The following STMN4 variants were observed in gnomAD, a reference collection of about 807,000 sequenced individuals.
STMN4 encodes stathmin-4.
A neutral mutation model predicts 29.1 loss-of-function variants in STMN4; 12 were observed. The ratio of observed to expected loss-of-function variants is 0.41; its 90% CI spans 0.26 to 0.67. STMN4 has a LOEUF of 0.67. Ranked by LOEUF, STMN4 falls within the 30% of genes least tolerant of loss-of-function variation. The pLI is 0.30. For missense variants in STMN4, 181 were observed against 262.8 expected (o/e 0.69, Z 2.15); for synonymous variants, 114 against 105.3 (o/e 1.08, Z -0.51).
chr8:27,245,870 C>T (rs1009038802), intron 1 of STMN4, among the ~76,000 whole-genome samples: 1 of 152,232 alleles, frequency 6.6e-6, no homozygotes, highest in South Asian at 2.1e-4. Context: ...TCAGGGGGCA[C>T]TCGACACCCA....
At chr8:27,245,013 C>T (rs139555142) in intron 1 of STMN4, among the ~76,000 whole-genome samples, 176 of 152,178 alleles carry the variant, frequency 1.2e-3, no homozygotes, top group Non-Finnish European at 2.2e-3. Context: ...AAACCCCTTG[C>T]CTTTCTGTGC....
At chr8:27,252,248 G>A (rs1344105306) in intron 1 of STMN4, among the ~76,000 whole-genome samples, 1 of 152,042 alleles carries the variant, frequency 6.6e-6, no homozygotes, top group Admixed American at 6.6e-5. Context: ...CTTTGCTATC[G>A]TGAATAATGC....
chr8:27,247,648 C>A (rs57912615), intron 1 of STMN4, among the ~76,000 whole-genome samples: 1 of 152,084 alleles, frequency 6.6e-6, no homozygotes, highest in Admixed American at 6.5e-5. Flanking sequence ...TGCAAGGGAG[C>A]GAGGGCCACC....
Position 27,241,773 on chromosome 8 carries a change from A to C in STMN4, c.110-16T>G, listed in dbSNP as rs747488033. ...CCACACCAGCCTAGACAGAAAAAAC[A>C]ACCTCAGGTCATCCGAGCATGCCTG... On this transcript the variant is annotated splice_polypyrimidine_tract_variant and intron_variant, in intron 3 of 6. Coordinates refer to ENST00000350889, the MANE Select transcript of STMN4 (RefSeq NM_030795.4). 3.5e-5 allele frequency: 57 copies of C among 1,614,034 alleles called. No homozygotes were observed. Among genetic ancestry groups the C allele is most frequent in the Non-Finnish European group, 4.4e-5 (52 of 1,180,004 alleles).
rs777584056 is a variant in STMN4 at position 27,241,283 on chromosome 8, G to A, written c.191-21C>T. On this transcript the variant is annotated intron_variant, in intron 4 of 6. Coordinates refer to ENST00000350889, the MANE Select transcript of STMN4 (RefSeq NM_030795.4). ...GTCTGCTACAGAGGGCAGAGAAGGG[G>A]CTGCTCACGTCCTGAAGAATGCACA... 2.5e-6 allele frequency: 4 copies of A among 1,613,898 alleles called. No individual in the cohort carries two copies. The East Asian group carries it at 6.7e-5, about 27-fold the overall frequency.
At chr8:27,243,578 A>C in intron 2 of STMN4, 133 bp downstream of exon 2, 1 of 932,488 alleles carries the variant, frequency 1.1e-6, no homozygotes, top group Non-Finnish European at 1.7e-6. Context: ...CAAGCCTCCC[A>C]TCACTACCTG....
Position 27,241,683 on chromosome 8 carries a change from C to T in STMN4, c.184G>A (p.Ala62Thr), listed in dbSNP as rs1183971380. 6.2e-7 allele frequency: 1 copy of T among 1,614,162 alleles called. No homozygotes were observed. The highest frequency in any genetic ancestry group is 1.7e-5 in the Admixed American group (1 of 60,018). ...KDSADWRERR[A>T]QADTVDLNWC... ...TCCGCTGCCTCCCTCCTACCCTGAG[C>T]TCTTCTTTCTCTCCAGTCAGCACTG... The change falls in exon 4 of 7, where the codon GCT becomes ACT. Residue 62 changes from alanine (A) to threonine (T), a missense_variant. Physicochemically the swap from Ala to Thr is moderately conservative, Grantham distance 58. Transcript: ENST00000350889.
intron 6 of STMN4, 108 bp downstream of exon 6, chr8:27,239,863 T>C (rs1366930961): frequency 5.7e-6 from 9 of 1,579,298 alleles, no homozygotes; most frequent in African/African-American, 2.7e-5. Context: ...TCCTGATTTT[T>C]GCCTGAGGCT....
chr8:27,243,928 C>G lies in STMN4; in HGVS notation c.-78-127G>C, dbSNP rs566932203. ...CATTTGCTCTTCCTCCAGGCCCTCTCCCCACCAACTCTCCCTGGGGGTCCC... is the reference window on the plus strand; with the variant it reads ...CATTTGCTCTTCCTCCAGGCCCTCTGCCCACCAACTCTCCCTGGGGGTCCC... On this transcript the variant is annotated intron_variant, in intron 1 of 6. Coordinates refer to ENST00000350889, the MANE Select transcript of STMN4 (RefSeq NM_030795.4). 865 of 796,936 alleles carry G rather than the reference C, an allele frequency of 1.1e-3. 2 individuals are homozygous for G. Among genetic ancestry groups the G allele is most frequent in the Non-Finnish European group, 1.0e-3 (510 of 495,944 alleles). 49.4% of individuals were successfully genotyped at this position (796,936 alleles called of 1,614,324 possible).
At chr8:27,241,576 TCC>T in intron 4 of STMN4, 99 bp downstream of exon 4, 1 of 1,398,636 alleles carries the variant, frequency 7.1e-7, no homozygotes, top group Non-Finnish European at 1.0e-6. Context: ...CAATTTGTCG[TCC>T]GTGGTGACAG....
chr8:27,251,960 C>G (rs1370350331), intron 1 of STMN4, among the ~76,000 whole-genome samples: 1 of 151,728 alleles, frequency 6.6e-6, no homozygotes, highest in Admixed American at 6.5e-5. Context: ...TCCCTCCCCC[C>G]TTCCCCCATT....
Position 27,241,073 on chromosome 8 carries a change from G to A in STMN4, c.380C>T (p.Ala127Val). The change falls in exon 5 of 7, where the codon GCG becomes GTG. Residue 127 changes from alanine (A) to valine (V), a missense_variant. By Grantham distance (64) the Ala-to-Val change is moderately conservative (BLOSUM62 0). Transcript: ENST00000350889. ...SLEEIQKKLE[A>V]AEERRKYQEA... Reference sequence around the variant, plus strand: ...ATTTACCTTCCTTCGCTCCTCAGCCGCTTCTAGTTTCTTCTGGATCTCTTC... The same window carrying A: ...ATTTACCTTCCTTCGCTCCTCAGCCACTTCTAGTTTCTTCTGGATCTCTTC... 1.2e-6 allele frequency: 2 copies of A among 1,613,726 alleles called. No homozygotes were observed. The highest frequency in any genetic ancestry group is 1.7e-6 in the Non-Finnish European group (2 of 1,179,808).
At chr8:27,240,875 G>A (rs1236619472) in intron 5 of STMN4, among the ~76,000 whole-genome samples, 179 bp downstream of exon 5, 1 of 152,142 alleles carries the variant, frequency 6.6e-6, no homozygotes, top group Non-Finnish European at 1.5e-5. Flanking sequence ...AGAGGCCAAG[G>A]GTGTTTAGTT....
intron 1 of STMN4, among the ~76,000 whole-genome samples, chr8:27,257,995 A>AG (rs1352432684): frequency 6.6e-6 from 1 of 152,236 alleles, no homozygotes; most frequent in Admixed American, 6.5e-5. Context: ...AGGGATCTTC[A>AG]GGTCACAGCC....
At chr8:27,239,809 G>T (rs773202316) in intron 6 of STMN4, 162 bp downstream of exon 6, 1 of 1,541,066 alleles carries the variant, frequency 6.5e-7, no homozygotes, top group South Asian at 1.2e-5. Context: ...TGACTTCCCT[G>T]ATCATCCTTC....
intron 1 of STMN4, among the ~76,000 whole-genome samples, chr8:27,252,079 T>C (rs551270783): frequency 6.6e-6 from 1 of 151,792 alleles, no homozygotes; most frequent in African/African-American, 2.4e-5. Flanking sequence ...TTTGTCCTTG[T>C]GATAGTTTAC....
chr8:27,247,947 G>T (rs1801672890), intron 1 of STMN4, among the ~76,000 whole-genome samples: 1 of 152,182 alleles, frequency 6.6e-6, no homozygotes, highest in Non-Finnish European at 1.5e-5. Context: ...CCCTTCTATT[G>T]CCCCTAAGGA....
At chr8:27,251,117 C>T (rs1801769252) in intron 1 of STMN4, among the ~76,000 whole-genome samples, 1 of 151,944 alleles carries the variant, frequency 6.6e-6, no homozygotes, top group African/African-American at 2.4e-5. Flanking sequence ...CGTGGTGGTG[C>T]ATGCCTGTAG....
At chr8:27,257,873 A>AC (rs1801988660) in intron 1 of STMN4, among the ~76,000 whole-genome samples, 1 of 152,150 alleles carries the variant, frequency 6.6e-6, no homozygotes, top group African/African-American at 2.4e-5. Context: ...GAAAAAAGTA[A>AC]CCCGTGCATA....
Sources: gnomAD v4.1 joint callset for allele counts (sites outside exome capture counted in the v4.1 genomes callset) on GRCh38, gnomAD v4.1.1 for gene constraint, MANE v1.5 for transcripts, NCBI Gene and HGNC (gene_info 2026-07-23, HGNC 2026-07-21) for gene names.